The following CHST9 variants were observed in gnomAD, a reference collection of about 807,000 sequenced individuals.
CHST9 encodes the protein carbohydrate sulfotransferase 9.
A neutral mutation model predicts 44.4 loss-of-function variants in CHST9; 41 were observed. The observed-to-expected ratio is 0.92, with a 90% CI of 0.72 to 1.20. The LOEUF (loss-of-function observed/expected upper bound fraction) is 1.20. Among genes scored for constraint, CHST9 ranks in the 50% most tolerant of loss-of-function variants. CHST9 has a pLI of 0.00. For synonymous variants in CHST9, 171 were observed against 178.4 expected (o/e 0.96, Z 0.33); for missense variants, 504 against 516.5 (o/e 0.98, Z 0.23).
chr18:26,983,235 T>A (rs2056714279), intron 4 of CHST9, among the ~76,000 whole-genome samples: 1 of 152,172 alleles, frequency 6.6e-6, no homozygotes, highest in African/African-American at 2.4e-5. Flanking sequence ...CCTGCAGAAC[T>A]TATTAAAGTA....
chr18:26,994,744 G>A (rs1387448071), intron 4 of CHST9, among the ~76,000 whole-genome samples: 12 of 151,758 alleles, frequency 7.9e-5, no homozygotes, highest in Admixed American at 2.0e-4. Flanking sequence ...GTGTATCACC[G>A]CACCCAGCTA....
At chr18:27,169,975 G>A (rs1284292557) in intron 1 of CHST9, among the ~76,000 whole-genome samples, 1 of 152,104 alleles carries the variant, frequency 6.6e-6, no homozygotes, top group East Asian at 1.9e-4. Flanking sequence ...AGCAGTATGA[G>A]TCCATTTTTA....
chr18:27,183,092 T>C (rs1258736678), intron 1 of CHST9, among the ~76,000 whole-genome samples: 2 of 141,088 alleles, frequency 1.4e-5, no homozygotes, highest in African/African-American at 2.5e-5. Flanking sequence ...CACTAATTTC[T>C]AGCTTCTCTC....
intron 1 of CHST9, among the ~76,000 whole-genome samples, chr18:27,170,764 C>G (rs900709740): frequency 6.6e-6 from 1 of 152,096 alleles, no homozygotes; most frequent in African/African-American, 2.4e-5. Flanking sequence ...AGCATACCTG[C>G]TAAATCGTGT....
intron 2 of CHST9, among the ~76,000 whole-genome samples, chr18:27,074,515 T>TC (rs1261124145): frequency 5.3e-5 from 8 of 152,092 alleles, no homozygotes; most frequent in Non-Finnish European, 1.0e-4. Context: ...AAGTTATCCT[T>TC]CCCCCGTCTG....
intron 1 of CHST9, among the ~76,000 whole-genome samples, chr18:27,166,534 C>T (rs1201477935): frequency 2.0e-5 from 3 of 152,132 alleles, no homozygotes; most frequent in Admixed American, 1.3e-4. Context: ...CAGAATCCTC[C>T]ATCCCAAGGA....
chr18:27,098,284 CAA>C (rs1274379045), intron 2 of CHST9, among the ~76,000 whole-genome samples: 2 of 151,552 alleles, frequency 1.3e-5, no homozygotes, highest in Admixed American at 1.3e-4. Context: ...CTTAGAATGA[CAA>C]TGATTAGAAA....
intron 3 of CHST9, among the ~76,000 whole-genome samples, chr18:27,034,572 G>C (rs2057372142): frequency 6.6e-6 from 1 of 152,160 alleles, no homozygotes; most frequent in South Asian, 2.1e-4. Flanking sequence ...CATGTAAGCT[G>C]CATGCTGCCA....
chr18:27,005,233 A>C (rs1308668573), intron 4 of CHST9, among the ~76,000 whole-genome samples: 1 of 152,196 alleles, frequency 6.6e-6, no homozygotes, highest in Admixed American at 6.5e-5. Flanking sequence ...ACTAATAATA[A>C]AAAGATTATT....
rs1394776490 is a variant in CHST9, at chr18:26,916,403, C to A, written c.1188G>T (p.Lys396Asn). ...APKELKFPNFKDRHSSDERTN... is the reference protein window; with the variant it reads ...APKELKFPNFNDRHSSDERTN... ...TTCTTTCATCGGAAGAGTGCCTATC[C>A]TTAAAGTTGGGAAATTTCAGCTCCT... is the stretch of plus-strand genomic sequence containing the variant. The change falls in exon 6 of 6, where the codon AAG becomes AAT. Residue 396 changes from lysine to asparagine, a missense_variant. By Grantham distance (94) the Lys-to-Asn change is moderately conservative. Transcript: ENST00000618847. The A allele has an allele frequency of 8.1e-6, 13 of 1,613,638 alleles. No individual in the cohort carries two copies. The South Asian group carries it at 9.9e-5, about 12-fold the overall frequency.
intron 2 of CHST9, among the ~76,000 whole-genome samples, chr18:27,106,449 T>A (rs1172945095): frequency 1.3e-5 from 2 of 152,178 alleles, no homozygotes; most frequent in Admixed American, 1.3e-4. Context: ...AACCAATTTG[T>A]TCCTATTTTG....
At chr18:26,933,994 C>T (rs1350994749) in intron 5 of CHST9, among the ~76,000 whole-genome samples, 10 of 152,160 alleles carry the variant, frequency 6.6e-5, no homozygotes, top group Admixed American at 5.9e-4. Flanking sequence ...GCGTTTTGAA[C>T]ATGGCCAGTG....
intron 4 of CHST9, among the ~76,000 whole-genome samples, chr18:26,948,906 G>A (rs1359046148): frequency 1.3e-5 from 2 of 152,118 alleles, no homozygotes; most frequent in African/African-American, 4.8e-5. Flanking sequence ...AGTTCTGAGC[G>A]GCTTATGTAA....
At chr18:27,060,530 A>T (rs1028616970) in intron 2 of CHST9, among the ~76,000 whole-genome samples, 10 of 152,170 alleles carry the variant, frequency 6.6e-5, no homozygotes, top group Non-Finnish European at 1.0e-4. Flanking sequence ...TGTTGAAAAG[A>T]GGGTCCCAAC....
chr18:27,093,088 C>T (rs1461242026), intron 2 of CHST9, among the ~76,000 whole-genome samples: 1 of 152,170 alleles, frequency 6.6e-6, no homozygotes, highest in Non-Finnish European at 1.5e-5. Flanking sequence ...GAACAGCTGC[C>T]TGATCCTTCC....
chr18:27,029,876 T>A (rs554190993), intron 3 of CHST9, among the ~76,000 whole-genome samples: 74 of 152,300 alleles, frequency 4.9e-4, no homozygotes, highest in African/African-American at 1.8e-3. Context: ...ATCATCCACC[T>A]TTTTCTAATC....
At position 27,024,287 on chromosome 18, in the gene CHST9, A is replaced by G. The variant is rs1186398452; in HGVS notation, c.161-130T>C. ...AACAAGGAAAATGATGGGAAGGGAGAGGGTCATGAAATAAAATGTGTCATC... is the reference window on the plus strand; with the variant it reads ...AACAAGGAAAATGATGGGAAGGGAGGGGGTCATGAAATAAAATGTGTCATC... On this transcript the variant is annotated intron_variant, in intron 3 of 5. Coordinates refer to ENST00000618847, the MANE Select transcript of CHST9 (RefSeq NM_031422.6). The G allele has an allele frequency of 4.3e-6, 3 of 694,492 alleles. No homozygotes were observed. The East Asian group carries it at 8.4e-5, about 20-fold the overall frequency. 43.0% of individuals were successfully genotyped at this position (694,492 alleles called of 1,614,324 possible).
chr18:27,047,148 TA>T (rs1454130851), intron 3 of CHST9, among the ~76,000 whole-genome samples: 2 of 152,040 alleles, frequency 1.3e-5, no homozygotes, highest in Non-Finnish European at 2.9e-5. Context: ...TGATCACAAA[TA>T]ATTTCAGAAG....
chr18:27,090,487 T>C (rs1368410299), intron 2 of CHST9, among the ~76,000 whole-genome samples: 2 of 152,220 alleles, frequency 1.3e-5, no homozygotes, highest in Non-Finnish European at 1.5e-5. Flanking sequence ...TCTATTGCCA[T>C]TGCTTTTGGT....
Sources: gnomAD v4.1 joint callset for allele counts (sites outside exome capture counted in the v4.1 genomes callset) on GRCh38, gnomAD v4.1.1 for gene constraint, MANE v1.5 for transcripts, NCBI Gene and HGNC (gene_info 2026-07-23, HGNC 2026-07-21) for gene names.